PPP2R3A: variants seen among roughly 807,000 people sequenced by gnomAD.
The protein encoded by PPP2R3A is serine/threonine-protein phosphatase 2A regulatory subunit B'' subunit alpha.
In PPP2R3A, 80 loss-of-function variants were observed where a neutral mutation model predicts 106.9. That is an observed-to-expected ratio of 0.75 (90% CI 0.62 to 0.90). PPP2R3A has a LOEUF of 0.90. PPP2R3A is among the 40% of genes least tolerant of loss of function. The pLI is 0.00. For missense variants in PPP2R3A, 1,386 were observed against 1,350.4 expected, an observed-to-expected ratio of 1.03 and a Z score of -0.41; for synonymous variants, 483 against 468.3, an observed-to-expected ratio of 1.03 and a Z score of -0.41.
intron 10 of PPP2R3A, among the ~76,000 whole-genome samples, chr3:136,101,423 T>G (rs9870122): frequency 0.24 from 37,221 of 151,962 alleles, 4,836 homozygotes; most frequent in African/African-American, 0.27. Context: ...TGGTTGGTTG[T>G]TTAGTTGGTT....
At chr3:136,086,243 G>A (rs1381373504) in intron 8 of PPP2R3A, among the ~76,000 whole-genome samples, 1 of 152,004 alleles carries the variant, frequency 6.6e-6, no homozygotes, top group African/African-American at 2.4e-5. Flanking sequence ...CAGCACTTTG[G>A]GAGGCCAAGG....
intron 6 of PPP2R3A, among the ~76,000 whole-genome samples, chr3:136,071,976 ACT>A (rs1445835422): frequency 5.4e-5 from 8 of 148,628 alleles, no homozygotes; most frequent in African/African-American, 1.2e-4. Context: ...CTCCCTGATC[ACT>A]CTCTGTTTTT....
chr3:136,098,821 G>A (rs1048966019), intron 10 of PPP2R3A, among the ~76,000 whole-genome samples: 9 of 152,132 alleles, frequency 5.9e-5, no homozygotes, highest in Admixed American at 6.6e-5. Context: ...TTGGAAGTGG[G>A]GGTGGGGTAA....
intron 4 of PPP2R3A, among the ~76,000 whole-genome samples, chr3:136,045,240 C>T (rs543108423): frequency 1.3e-5 from 2 of 152,290 alleles, no homozygotes; most frequent in East Asian, 1.9e-4. Flanking sequence ...CCCAGTGGAG[C>T]GCTTTTACTG....
intron 2 of PPP2R3A, among the ~76,000 whole-genome samples, chr3:136,020,050 T>C (rs1368923259): frequency 6.6e-6 from 1 of 152,152 alleles, no homozygotes; most frequent in Non-Finnish European, 1.5e-5. Flanking sequence ...TCTAGCTTCA[T>C]ATCAAGCAAA....
intron 6 of PPP2R3A, among the ~76,000 whole-genome samples, chr3:136,075,524 C>CAAAT (rs771239530): frequency 1.4e-3 from 210 of 152,186 alleles, no homozygotes; most frequent in Non-Finnish European, 2.2e-3. Flanking sequence ...AAATGGAATA[C>CAAAT]AAATACATTG....
chr3:135,984,398 T>C (rs1258017007), intron 1 of PPP2R3A, among the ~76,000 whole-genome samples: 1 of 152,194 alleles, frequency 6.6e-6, no homozygotes, highest in Non-Finnish European at 1.5e-5. Flanking sequence ...AACACTTCAA[T>C]GTTGACATAA....
At chr3:136,003,541 A>C (rs780077787) in intron 2 of PPP2R3A, 48 bp downstream of exon 2, 1 of 1,485,326 alleles carries the variant, frequency 6.7e-7, no homozygotes, top group Non-Finnish European at 9.0e-7. Context: ...AAAAATGTTT[A>C]GTGTTTGAAA....
intron 3 of PPP2R3A, among the ~76,000 whole-genome samples, chr3:136,029,502 G>T (rs1056112670): frequency 6.6e-6 from 1 of 152,178 alleles, no homozygotes; most frequent in African/African-American, 2.4e-5. Flanking sequence ...GTGTCAAAAA[G>T]AATATAGTCA....
chr3:136,022,422 T>G (rs1170605929), intron 2 of PPP2R3A, among the ~76,000 whole-genome samples: 1 of 152,152 alleles, frequency 6.6e-6, no homozygotes, highest in Non-Finnish European at 1.5e-5. Context: ...TTTCTGTTTT[T>G]CCTCTTGTTT....
At chr3:135,977,890 G>C (rs906332297) in intron 1 of PPP2R3A, among the ~76,000 whole-genome samples, 1 of 151,786 alleles carries the variant, frequency 6.6e-6, no homozygotes, top group Non-Finnish European at 1.5e-5. Flanking sequence ...TGTAGAGACA[G>C]GGTTTCACCA....
chr3:136,002,939 C>G lies in PPP2R3A; in HGVS notation c.1441C>G (p.Pro481Ala), dbSNP rs34901937. ...ATTTGAGAAATCATTTGTTAATCTA[C>G]CTAAGGAAGACTGTAAATCAAAAGT... ...KIFEKSFVNLPKEDCKSKVSK... is the reference protein window; with the variant it reads ...KIFEKSFVNLAKEDCKSKVSK... Residue 481 changes from proline (P) to alanine (A), a missense_variant, in exon 2 of 14, where the codon CCT (proline) becomes GCT (alanine). Pro to Ala is a conservative substitution (Grantham distance 27). Transcript: ENST00000264977. 0.068 allele frequency: 109,674 copies of G among 1,612,530 alleles called. 4,250 individuals are homozygous for G. Among genetic ancestry groups the G allele is most frequent in the Non-Finnish European group, 0.076 (89,355 of 1,179,490 alleles).
intron 13 of PPP2R3A, among the ~76,000 whole-genome samples, chr3:136,111,033 C>T (rs1303665381): frequency 2.6e-5 from 4 of 152,264 alleles, no homozygotes; most frequent in African/African-American, 7.2e-5. Flanking sequence ...AAGACATTTT[C>T]AGGCTTGTAA....
At chr3:136,067,224 A>G (rs57984885) in intron 5 of PPP2R3A, among the ~76,000 whole-genome samples, 107 of 152,380 alleles carry the variant, frequency 7.0e-4, no homozygotes, top group African/African-American at 2.5e-3. Flanking sequence ...AGGAGGAAAT[A>G]AAATTAACAG....
intron 1 of PPP2R3A, among the ~76,000 whole-genome samples, chr3:135,968,445 A>G (rs968906457): frequency 1.3e-5 from 2 of 152,200 alleles, no homozygotes; most frequent in African/African-American, 2.4e-5. Flanking sequence ...CGGGAACAAT[A>G]TTCCGGGCAG....
chr3:136,060,029 G>T (rs935851864), intron 5 of PPP2R3A, among the ~76,000 whole-genome samples: 1 of 152,144 alleles, frequency 6.6e-6, no homozygotes, highest in African/African-American at 2.4e-5. Context: ...ATAACTAATA[G>T]TTAATGGGCC....
At chr3:136,007,467 C>G (rs1197042415) in intron 2 of PPP2R3A, among the ~76,000 whole-genome samples, 1 of 152,184 alleles carries the variant, frequency 6.6e-6, no homozygotes, top group African/African-American at 2.4e-5. Flanking sequence ...AGTATCTTAC[C>G]TAGACCTCTA....
rs180899693 is a variant in PPP2R3A at position 136,051,892 on chromosome 3, G to A, written c.2469+2531G>A. ...AGTAACAATCTTCCATGTTTAAAAT[G>A]TGAAGTTTGGTTCTGATTTTATTTT... On this transcript the variant is annotated intron_variant, in intron 5 of 13. Coordinates refer to ENST00000264977, the MANE Select transcript of PPP2R3A (RefSeq NM_002718.5). Among the ~76,000 whole-genome samples the A allele has an allele frequency of 1.2e-4, 19 of 152,270 alleles. No homozygotes were observed. The East Asian group carries it at 3.1e-3, about 25-fold the overall frequency.
chr3:136,057,975 A>G (rs1294088527), intron 5 of PPP2R3A, among the ~76,000 whole-genome samples: 1 of 152,116 alleles, frequency 6.6e-6, no homozygotes, highest in Non-Finnish European at 1.5e-5. Flanking sequence ...TGAAATCAGT[A>G]TGTTGAAGAA....
Sources: gnomAD v4.1 joint callset for allele counts (sites outside exome capture counted in the v4.1 genomes callset) on GRCh38, gnomAD v4.1.1 for gene constraint, MANE v1.5 for transcripts, NCBI Gene and HGNC (gene_info 2026-07-23, HGNC 2026-07-21) for gene names.